BBX: variants seen among roughly 807,000 people sequenced by gnomAD.
The protein encoded by BBX is HMG box transcription factor BBX.
Under a neutral mutation model 100.2 loss-of-function variants are expected in BBX, and 30 were observed. The ratio of observed to expected loss-of-function variants is 0.30; its 90% CI spans 0.22 to 0.41. The LOEUF is 0.41. Ranked by LOEUF, BBX falls within the 10% of genes least tolerant of loss-of-function variation. The pLI is 1.00. For missense variants in BBX, 1,023 were observed against 1,129.8 expected (o/e 0.91, Z 1.35); for synonymous variants, 376 against 388.1 (o/e 0.97, Z 0.37).
intron 2 of BBX, among the ~76,000 whole-genome samples, chr3:107,642,407 T>C (rs183550997): frequency 6.6e-6 from 1 of 152,194 alleles, no homozygotes; most frequent in African/African-American, 2.4e-5. Flanking sequence ...AGGAAAAGTC[T>C]CTTAAGAAAA....
chr3:107,798,191 T>A (rs887993729), intron 15 of BBX, among the ~76,000 whole-genome samples: 3 of 152,192 alleles, frequency 2.0e-5, no homozygotes, highest in African/African-American at 7.2e-5. Flanking sequence ...GGGACCCTGA[T>A]CACAACTAGG....
chr3:107,631,429 C>T (rs945035339), intron 2 of BBX, among the ~76,000 whole-genome samples: 3 of 152,078 alleles, frequency 2.0e-5, no homozygotes, highest in East Asian at 3.8e-4. Flanking sequence ...AAGTAAGTCT[C>T]CCAGTGTAGG....
Position 107,647,917 on chromosome 3 carries a change from A to G in BBX, c.-10+2008A>G, listed in dbSNP as rs1311647062. On this transcript the variant is annotated intron_variant, in intron 3 of 17. Coordinates refer to ENST00000325805, the MANE Select transcript of BBX (RefSeq NM_001142568.3). ...GAGGAAAGAGAAAAGTGATGGAACT[A>G]TGACTCTTAACAAGGCTGCTTGGAA... 4.1e-4 allele frequency among the ~76,000 whole-genome samples: 63 copies of G among 152,156 alleles called. 1 individual carries two copies. The highest frequency in any genetic ancestry group is 1.5e-5 in the Non-Finnish European group (1 of 68,028).
chr3:107,539,864 A>C (rs956312124), intron 2 of BBX, among the ~76,000 whole-genome samples: 2 of 152,204 alleles, frequency 1.3e-5, no homozygotes, highest in African/African-American at 4.8e-5. Context: ...AGTGTCACAC[A>C]AAGTTTAGGT....
intron 2 of BBX, among the ~76,000 whole-genome samples, chr3:107,560,937 T>A (rs1232381976): frequency 6.6e-6 from 1 of 152,214 alleles, no homozygotes; most frequent in Non-Finnish European, 1.5e-5. Context: ...ATTGCAAGTG[T>A]ACTATTGATA....
chr3:107,634,656 G>A (rs535386684), intron 2 of BBX, among the ~76,000 whole-genome samples: 45 of 152,250 alleles, frequency 3.0e-4, no homozygotes, highest in African/African-American at 1.0e-3. Flanking sequence ...TCCAAAGTGT[G>A]TTACTATTCC....
intron 2 of BBX, among the ~76,000 whole-genome samples, chr3:107,584,152 ATATG>A (rs2052607600): frequency 5.4e-5 from 1 of 18,614 alleles, no homozygotes; most frequent in African/African-American, 2.7e-4. Context: ...TATATATAAT[ATATG>A]ATATATATAT....
chr3:107,673,163 G>A (rs2059109348), intron 3 of BBX, among the ~76,000 whole-genome samples: 1 of 152,030 alleles, frequency 6.6e-6, no homozygotes, highest in East Asian at 1.9e-4. Context: ...GTTAGATGAA[G>A]TTAATAAGAG....
intron 3 of BBX, among the ~76,000 whole-genome samples, chr3:107,708,669 G>A (rs1483328060): frequency 9.6e-5 from 11 of 114,640 alleles, no homozygotes; most frequent in Admixed American, 9.0e-4. Flanking sequence ...GCAAGACTCC[G>A]TCTCAAAAAA....
chr3:107,761,810 C>G (rs758391280), intron 10 of BBX, among the ~76,000 whole-genome samples: 2 of 152,146 alleles, frequency 1.3e-5, no homozygotes, highest in Non-Finnish European at 2.9e-5. Flanking sequence ...AGAGCACAGA[C>G]GACAGAGGCA....
At position 107,728,974 on chromosome 3, in the gene BBX, C is replaced by G. The variant is rs767829958; in HGVS notation, c.601+14C>G. On this transcript the variant is annotated intron_variant, in intron 6 of 17. Transcript: ENST00000325805. ...TTGGAATGGCTGGTGAGTTGAGACA[C>G]TATTTCCACCTATTCTTTAAGGACA... 6 of 1,608,920 alleles carry G rather than the reference C, an allele frequency of 3.7e-6. No homozygotes were observed. Among genetic ancestry groups the G allele is most frequent in the Middle Eastern group, 1.7e-4 (1 of 6,022 alleles).
intron 3 of BBX, among the ~76,000 whole-genome samples, chr3:107,650,465 G>A (rs2057776775): frequency 6.6e-6 from 1 of 151,968 alleles, no homozygotes; most frequent in Non-Finnish European, 1.5e-5. Context: ...AAAACATGGG[G>A]ACCACTGCCT....
At chr3:107,547,952 G>A (rs1412608982) in intron 2 of BBX, among the ~76,000 whole-genome samples, 5 of 152,072 alleles carry the variant, frequency 3.3e-5, no homozygotes, top group Non-Finnish European at 5.9e-5. Flanking sequence ...GATTCTAATT[G>A]CTGATTCCTG....
intron 3 of BBX, among the ~76,000 whole-genome samples, chr3:107,669,202 G>A (rs151287629): frequency 2.0e-3 from 309 of 152,260 alleles, no homozygotes; most frequent in Admixed American, 4.8e-3. Context: ...TAATAGAATA[G>A]TGTCACAAGG....
chr3:107,706,122 A>G (rs553456918), intron 3 of BBX, among the ~76,000 whole-genome samples: 5 of 150,522 alleles, frequency 3.3e-5, no homozygotes, highest in Admixed American at 1.3e-4. Flanking sequence ...TCCTGGGTTC[A>G]AGCGATTCTC....
At chr3:107,584,179 T>C (rs1390433478) in intron 2 of BBX, among the ~76,000 whole-genome samples, 1 of 31,072 alleles carries the variant, frequency 3.2e-5, no homozygotes, top group East Asian at 4.0e-4. Flanking sequence ...TTATATATAT[T>C]ATATATAATA....
intron 2 of BBX, among the ~76,000 whole-genome samples, chr3:107,601,501 G>T (rs1276120634): frequency 6.6e-6 from 1 of 152,184 alleles, no homozygotes; most frequent in Non-Finnish European, 1.5e-5. Context: ...AAACAACTTT[G>T]TTGTTGATAC....
At chr3:107,696,808 C>T (rs1235973133) in intron 3 of BBX, among the ~76,000 whole-genome samples, 2 of 151,428 alleles carry the variant, frequency 1.3e-5, no homozygotes, top group Non-Finnish European at 2.9e-5. Context: ...AACTTGGTTC[C>T]ATTCTCCCCG....
intron 2 of BBX, among the ~76,000 whole-genome samples, chr3:107,625,071 G>A (rs999767321): frequency 1.3e-5 from 2 of 152,114 alleles, no homozygotes; most frequent in African/African-American, 4.8e-5. Context: ...AAAGAGAGTT[G>A]CTGGACAACT....
Sources: allele counts gnomAD v4.1 joint callset (sites outside exome capture counted in the v4.1 genomes callset), GRCh38; gene constraint gnomAD v4.1.1; transcripts MANE v1.5; gene names NCBI Gene and HGNC (gene_info 2026-07-23, HGNC 2026-07-21).